Variants in TBX19 observed in about 807,000 individuals in gnomAD.
TBX19 encodes the protein T-box transcription factor TBX19.
In TBX19, 33 loss-of-function variants were observed where a neutral mutation model predicts 40.9. That is an observed-to-expected ratio of 0.81 (90% CI 0.61 to 1.08). The LOEUF (loss-of-function observed/expected upper bound fraction) is 1.08, where lower values mean the gene tolerates loss of function less well. TBX19 is among the 50% of genes least tolerant of loss of function. The pLI, the probability that TBX19 is intolerant of heterozygous loss-of-function variation, is 0.00. For synonymous variants in TBX19, 220 were observed against 225.0 expected (o/e 0.98, Z 0.20); for missense variants, 494 against 574.0 (o/e 0.86, Z 1.42).
At position 168,298,852 on chromosome 1, in the gene TBX19, T is replaced by C. The variant is rs1405926003; in HGVS notation, c.665+1067T>C. ...CTTTCTTTCTTTCTTTCTTTCTTTC[T>C]TTCTTTCTTTCTTTCTTTCTTTCTT... On this transcript the variant is annotated intron_variant, in intron 4 of 7. Coordinates refer to ENST00000367821, the MANE Select transcript of TBX19 (RefSeq NM_005149.3). 9.6e-3 allele frequency among the ~76,000 whole-genome samples: 441 copies of C among 45,948 alleles called. 34 individuals are homozygous for C. The highest frequency in any genetic ancestry group is 0.032 in the Middle Eastern group (3 of 94). 30.1% of individuals were successfully genotyped at this position (45,948 alleles called of 152,430 possible). A position where few individuals can be genotyped will look rare whatever the true frequency, so the allele number is the denominator to read the frequency against.
intron 6 of TBX19, 170 bp from the exon 7 acceptor site, chr1:168,308,572 G>A: frequency 1.2e-6 from 1 of 802,528 alleles, no homozygotes; most frequent in South Asian, 1.7e-5. Context: ...GGTTGACATT[G>A]AGGAAACCCA....
rs749360634 is a variant in TBX19, at chr1:168,291,287, G to A, written c.331G>A (p.Ala111Thr). The A allele has an allele frequency of 2.2e-5, 35 of 1,614,056 alleles. 1 individual carries two copies. The South Asian group carries it at 3.3e-4, about 15-fold the overall frequency. ...WKYVNGEWVP[A>T]GKPEVSSHSC... ...GTACGTCAACGGGGAATGGGTGCCCGCTGGCAAGCCAGAGGTCTCCAGCCA... is the reference window on the plus strand; with the variant it reads ...GTACGTCAACGGGGAATGGGTGCCCACTGGCAAGCCAGAGGTCTCCAGCCA... The change falls in exon 2 of 8, where the codon GCT (alanine) becomes ACT (threonine). Residue 111 changes from alanine (A) to threonine (T), a missense_variant. Coordinates refer to ENST00000367821, the MANE Select transcript of TBX19 (RefSeq NM_005149.3).
chr1:168,282,378 T>C (rs1045124942), intron 1 of TBX19, among the ~76,000 whole-genome samples: 4 of 152,230 alleles, frequency 2.6e-5, no homozygotes, highest in Non-Finnish European at 4.4e-5. Flanking sequence ...TGAAGAGTTA[T>C]GAACTCGAGA....
intron 2 of TBX19, among the ~76,000 whole-genome samples, chr1:168,291,817 C>T (rs1648951521): frequency 6.6e-6 from 1 of 152,004 alleles, no homozygotes; most frequent in South Asian, 2.1e-4. Flanking sequence ...TCATAAAAAG[C>T]TGCTTCTAAA....
chr1:168,308,443 G>A (rs1014848088), intron 6 of TBX19: 7 of 402,758 alleles, frequency 1.7e-5, no homozygotes, highest in Admixed American at 3.6e-5. Context: ...GTGGTGAAAT[G>A]AGTTAGACAG....
rs76536877 is a variant in TBX19, at chr1:168,312,778, G to T, written c.1123G>T (p.Ala375Ser). 7.4e-6 allele frequency: 12 copies of T among 1,614,208 alleles called. No individual in the cohort carries two copies. The highest frequency in any genetic ancestry group is 9.3e-6 in the Non-Finnish European group (11 of 1,180,038). Residue 375 changes from alanine to serine, a missense_variant, in exon 8 of 8, where the codon GCC becomes TCC. By Grantham distance (99) the Ala-to-Ser change is moderately conservative. This residue lies in a region of TBX19 where 284 missense variants were observed against 307.3 expected (regional missense o/e 0.92). Coordinates refer to ENST00000367821, the MANE Select transcript of TBX19 (RefSeq NM_005149.3). The stretch of plus-strand genomic sequence containing the variant: ...CAGTGGGCCAGGCCCGGAGGTGCAC[G>T]CCAGCACCCCAGGAGCATTTCTCCT... Reference protein sequence around the residue: ...GPSGPGPEVHASTPGAFLLGN... With the variant: ...GPSGPGPEVHSSTPGAFLLGN...
At position 168,297,483 on chromosome 1, in the gene TBX19, C is replaced by G; in HGVS notation, c.604-241C>G. ...TTACATGGCATTAGCATTTTCACCA[C>G]ATGCAATGATAAAATGTCCTTTGCC... On this transcript the variant is annotated intron_variant, in intron 3 of 7. Transcript: ENST00000367821. 1.0e-5 allele frequency: 6 copies of G among 582,122 alleles called. No homozygotes were observed. In the South Asian group the frequency reaches 1.2e-4, roughly 11 times the overall value. 36.1% of individuals were successfully genotyped at this position (582,122 alleles called of 1,614,324 possible).
chr1:168,305,849 GA>G (rs1244457264), intron 6 of TBX19, among the ~76,000 whole-genome samples: 1 of 152,160 alleles, frequency 6.6e-6, no homozygotes, highest in African/African-American at 2.4e-5. Flanking sequence ...AAAGAAGGGA[GA>G]AATGAAAACA....
At chr1:168,311,409 G>A (rs1021732171) in intron 7 of TBX19, among the ~76,000 whole-genome samples, 1 of 152,120 alleles carries the variant, frequency 6.6e-6, no homozygotes, top group African/African-American at 2.4e-5. Context: ...ATCAGAAAGG[G>A]TCTGTAAGAG....
chr1:168,294,437 G>A (rs1038956343), intron 3 of TBX19, among the ~76,000 whole-genome samples: 1 of 151,758 alleles, frequency 6.6e-6, no homozygotes, highest in Admixed American at 6.6e-5. Context: ...AGGTTCAAGC[G>A]ATTCTCCTGC....
At chr1:168,300,772 C>T (rs1470597554) in intron 5 of TBX19, among the ~76,000 whole-genome samples, 1 of 152,194 alleles carries the variant, frequency 6.6e-6, no homozygotes, top group Non-Finnish European at 1.5e-5. Flanking sequence ...GAGCCCTCAA[C>T]AGTGTGTTCT....
In TBX19 at chr1:168,293,191, G is replaced by A. The variant is rs757483304; in HGVS notation, c.516G>A (p.Val172=). ...AATATGAACCCCAGGTTCACATAGTGCGTGTTGGAAGTGCCCATCGAATGG... is the reference window on the plus strand; with the variant it reads ...AATATGAACCCCAGGTTCACATAGTACGTGTTGGAAGTGCCCATCGAATGG... ...LHKYEPQVHI[V]RVGSAHRMVT... The change falls in exon 3 of 8, where the codon GTG becomes GTA. Residue 172 remains valine (V), a synonymous_variant. Coordinates refer to ENST00000367821, the MANE Select transcript of TBX19 (RefSeq NM_005149.3). The A allele has an allele frequency of 6.2e-7, 1 of 1,613,976 alleles. No individual in the cohort carries two copies. The highest frequency in any genetic ancestry group is 1.1e-5 in the South Asian group (1 of 91,062).
chr1:168,282,429 A>T (rs892324730), intron 1 of TBX19, among the ~76,000 whole-genome samples: 1 of 152,236 alleles, frequency 6.6e-6, no homozygotes, highest in Non-Finnish European at 1.5e-5. Context: ...AATGAAAGCC[A>T]TACCTGAATT....
chr1:168,313,306 G>A lies in TBX19; in HGVS notation c.*304G>A, dbSNP rs1415616105. On this transcript the variant is annotated 3_prime_UTR_variant, in exon 8 of 8. Transcript: ENST00000367821. ...GTGCCCTGCCTCTTATTCTCAAATCGTTCTGGAAAGCCTCACTTCCTTTTC... is the reference window on the plus strand; with the variant it reads ...GTGCCCTGCCTCTTATTCTCAAATCATTCTGGAAAGCCTCACTTCCTTTTC... 12 of 439,942 alleles carry A rather than the reference G, an allele frequency of 2.7e-5. No homozygotes were observed. The highest frequency in any genetic ancestry group is 1.6e-4 in the South Asian group (7 of 44,236). 27.3% of individuals were successfully genotyped at this position (439,942 alleles called of 1,614,324 possible).
chr1:168,288,334 A>G (rs1648854029), intron 1 of TBX19, among the ~76,000 whole-genome samples: 1 of 151,350 alleles, frequency 6.6e-6, no homozygotes, highest in Non-Finnish European at 1.5e-5. Flanking sequence ...TTCAATTTGC[A>G]TTTGGTTGAA....
At chr1:168,299,153 C>G (rs1236760303) in intron 4 of TBX19, among the ~76,000 whole-genome samples, 3 of 151,756 alleles carry the variant, frequency 2.0e-5, no homozygotes, top group Non-Finnish European at 4.4e-5. Context: ...CTCCTGACCT[C>G]AGGTCATCCA....
intron 7 of TBX19, among the ~76,000 whole-genome samples, chr1:168,310,835 AATAT>A (rs1649504051): frequency 6.8e-6 from 1 of 146,668 alleles, no homozygotes; most frequent in African/African-American, 2.5e-5. Flanking sequence ...AAAATATATA[AATAT>A]ATAAAAATAT....
At chr1:168,281,989 C>T (rs970552192) in intron 1 of TBX19, among the ~76,000 whole-genome samples, 7 of 152,146 alleles carry the variant, frequency 4.6e-5, no homozygotes, top group African/African-American at 1.7e-4. Context: ...TTCTATTAAA[C>T]CTAGTCTGCT....
rs1161896041 is a variant in TBX19 at position 168,281,377 on chromosome 1, C to T, written c.203+84C>T. On this transcript the variant is annotated intron_variant, in intron 1 of 7. Transcript: ENST00000367821. ...CTTGAATATTGAAGAGGCTGCCGCT[C>T]TTCACTCAGAGGCGGCGGGATCTGA... is the stretch of plus-strand genomic sequence containing the variant. 3.8e-6 allele frequency: 5 copies of T among 1,308,276 alleles called. No homozygotes were observed. In the East Asian group the frequency reaches 9.3e-5, roughly 24 times the overall value. The allele number at this position is 1,308,276 out of a possible 1,614,324, so 81.0% of individuals were successfully genotyped here. A position where few individuals can be genotyped will look rare whatever the true frequency, so the allele number is the denominator to read the frequency against.
Sources: allele counts gnomAD v4.1 joint callset (sites outside exome capture counted in the v4.1 genomes callset), GRCh38; gene constraint gnomAD v4.1.1; regional missense constraint gnomAD v4.1.1; transcripts MANE v1.5; gene names NCBI Gene and HGNC (gene_info 2026-07-23, HGNC 2026-07-21).